XKR4: variants seen among roughly 807,000 people sequenced by gnomAD.
The protein encoded by XKR4 is XK-related protein 4.
In XKR4, 12 loss-of-function variants were observed where a neutral mutation model predicts 53.9. That is an observed-to-expected ratio of 0.22 (90% CI 0.14 to 0.36). XKR4 has a LOEUF of 0.36. Ranked by LOEUF, XKR4 falls within the 10% of genes least tolerant of loss-of-function variation. The pLI, the probability that XKR4 is intolerant of heterozygous loss-of-function variation, is 1.00. For synonymous variants in XKR4, 354 were observed against 362.4 expected (o/e 0.98, Z 0.26); for missense variants, 799 against 859.5 (o/e 0.93, Z 0.88).
At chr8:55,363,805 G>A (rs2979052) in intron 2 of XKR4, among the ~76,000 whole-genome samples, 152,238 of 152,310 alleles carry the variant, frequency 1, 76,083 homozygotes, top group Middle Eastern at 1. Flanking sequence ...CTAGGCTCCA[G>A]GTCCCTCTGG....
chr8:55,174,971 G>T (rs144374242), intron 1 of XKR4, among the ~76,000 whole-genome samples: 1 of 152,344 alleles, frequency 6.6e-6, no homozygotes, highest in African/African-American at 2.4e-5. Flanking sequence ...AATCAAAGGA[G>T]ATGTGATGGA....
intron 1 of XKR4, 135 bp from the exon 2 acceptor site, chr8:55,357,543 A>G: frequency 1.2e-6 from 1 of 854,772 alleles, no homozygotes; most frequent in African/African-American, 1.7e-5. Flanking sequence ...TTTGGACTTT[A>G]ACTCATAAGC....
intron 2 of XKR4, among the ~76,000 whole-genome samples, chr8:55,370,892 GA>G (rs1804061537): frequency 6.6e-6 from 1 of 152,024 alleles, no homozygotes; most frequent in Non-Finnish European, 1.5e-5. Context: ...TTGTTGAATA[GA>G]AGCAAGAATG....
chr8:55,484,396 T>C (rs1413655254), intron 2 of XKR4, among the ~76,000 whole-genome samples: 2 of 152,206 alleles, frequency 1.3e-5, no homozygotes. Flanking sequence ...ATATCTCTCA[T>C]GAACATAGAT....
At chr8:55,480,058 A>G (rs1266406385) in intron 2 of XKR4, among the ~76,000 whole-genome samples, 1 of 152,264 alleles carries the variant, frequency 6.6e-6, no homozygotes, top group Non-Finnish European at 1.5e-5. Context: ...TTATGAGGCC[A>G]GCATCATACT....
chr8:55,504,563 A>T (rs1806496080), intron 2 of XKR4, among the ~76,000 whole-genome samples: 1 of 152,068 alleles, frequency 6.6e-6, no homozygotes, highest in South Asian at 2.1e-4. Context: ...GTATAAAGGT[A>T]ATTCTTGAAT....
chr8:55,381,871 T>C (rs999639137), intron 2 of XKR4, among the ~76,000 whole-genome samples: 3 of 152,206 alleles, frequency 2.0e-5, no homozygotes, highest in African/African-American at 7.2e-5. Context: ...ACATGGAATG[T>C]GTATTCTTAT....
chr8:55,451,616 G>A, intron 2 of XKR4: 2 of 1,507,230 alleles, frequency 1.3e-6, no homozygotes, highest in Non-Finnish European at 1.8e-6. Flanking sequence ...AAGCGGTTCT[G>A]GCGGTAGCAG....
At position 55,245,572 on chromosome 8, in the gene XKR4, T is replaced by A. The variant is rs141698317; in HGVS notation, c.807-112106T>A. ...TTCTTTGCTGTCCTCTTTTCCCTGG[T>A]CTTGTTGCCTGTATAGTATCTCTAC... On this transcript the variant is annotated intron_variant, in intron 1 of 2. Coordinates refer to ENST00000327381, the MANE Select transcript of XKR4 (RefSeq NM_052898.2). Among the ~76,000 whole-genome samples, 774 of 152,256 alleles carry A rather than the reference T, an allele frequency of 5.1e-3. 3 individuals are homozygous for A. Among genetic ancestry groups the A allele is most frequent in the Non-Finnish European group, 7.8e-3 (528 of 68,020 alleles).
At chr8:55,447,923 C>T (rs1805369870) in intron 2 of XKR4, among the ~76,000 whole-genome samples, 1 of 152,202 alleles carries the variant, frequency 6.6e-6, no homozygotes, top group South Asian at 2.1e-4. Context: ...ATTAACCTCT[C>T]ACAGTAAATT....
At chr8:55,478,402 C>T (rs960892506) in intron 2 of XKR4, among the ~76,000 whole-genome samples, 49 of 152,068 alleles carry the variant, frequency 3.2e-4, no homozygotes, top group Admixed American at 5.9e-4. Context: ...GAAGGAAGCA[C>T]TAAACATGGA....
At chr8:55,361,293 G>C (rs933179436) in intron 2 of XKR4, among the ~76,000 whole-genome samples, 3 of 152,112 alleles carry the variant, frequency 2.0e-5, no homozygotes, top group African/African-American at 7.2e-5. Flanking sequence ...GAGAGGGGGA[G>C]AGGAGGGCAG....
chr8:55,167,054 A>C (rs888785396), intron 1 of XKR4, among the ~76,000 whole-genome samples: 2 of 152,190 alleles, frequency 1.3e-5, no homozygotes, highest in African/African-American at 4.8e-5. Context: ...AAGGTGACCT[A>C]ATTCTGGATA....
At chr8:55,151,782 A>G (rs1585906856) in intron 1 of XKR4, among the ~76,000 whole-genome samples, 1 of 152,184 alleles carries the variant, frequency 6.6e-6, no homozygotes, top group East Asian at 1.9e-4. Context: ...CTAACACTTC[A>G]TTATCCTCAT....
At chr8:55,157,363 A>G (rs765009741) in intron 1 of XKR4, among the ~76,000 whole-genome samples, 38 of 152,360 alleles carry the variant, frequency 2.5e-4, no homozygotes, top group Middle Eastern at 3.4e-3. Context: ...CATCATCTAA[A>G]TAACACTAGA....
intron 1 of XKR4, among the ~76,000 whole-genome samples, chr8:55,162,483 AAAT>A (rs1248745979): frequency 2.6e-5 from 4 of 152,352 alleles, no homozygotes; most frequent in East Asian, 3.9e-4. Context: ...TTGCAAAATG[AAAT>A]AATAATATCT....
intron 2 of XKR4, among the ~76,000 whole-genome samples, chr8:55,491,883 T>C (rs1806277754): frequency 6.6e-6 from 1 of 152,218 alleles, no homozygotes; most frequent in South Asian, 2.1e-4. Flanking sequence ...CAGGAGTCTA[T>C]TTTTGCCTAG....
intron 1 of XKR4, among the ~76,000 whole-genome samples, chr8:55,353,243 A>T (rs1049078770): frequency 2.6e-5 from 4 of 152,194 alleles, no homozygotes; most frequent in African/African-American, 9.7e-5. Flanking sequence ...CTTATTTTGG[A>T]AATAGAATAA....
At chr8:55,400,140 A>G (rs1804577488) in intron 2 of XKR4, among the ~76,000 whole-genome samples, 1 of 152,198 alleles carries the variant, frequency 6.6e-6, no homozygotes, top group African/African-American at 2.4e-5. Flanking sequence ...TGTCTTAGAG[A>G]ACACAACCAC....
Sources: allele counts gnomAD v4.1 joint callset (sites outside exome capture counted in the v4.1 genomes callset), GRCh38; gene constraint gnomAD v4.1.1; transcripts MANE v1.5; gene names NCBI Gene and HGNC (gene_info 2026-07-23, HGNC 2026-07-21).